NDST3: variants seen among roughly 807,000 people sequenced by gnomAD.
NDST3 encodes the protein bifunctional heparan sulfate N-deacetylase/N-sulfotransferase 3.
In NDST3, 58 loss-of-function variants were observed where a neutral mutation model predicts 96.1. That is an observed-to-expected ratio of 0.60 (90% CI 0.49 to 0.75). The LOEUF is 0.75. NDST3 is among the 30% of genes least tolerant of loss of function. The pLI is 0.00. For synonymous variants in NDST3, 333 were observed against 359.7 expected (o/e 0.93, Z 0.84); for missense variants, 788 against 1,034.2 (o/e 0.76, Z 3.27).
intron 6 of NDST3, among the ~76,000 whole-genome samples, chr4:118,148,824 A>C (rs1734154397): frequency 6.6e-6 from 1 of 152,216 alleles, no homozygotes; most frequent in South Asian, 2.1e-4. Flanking sequence ...TTCTAATAAT[A>C]GGAGACCCTT....
intron 10 of NDST3, among the ~76,000 whole-genome samples, chr4:118,240,246 C>A (rs2126005899): frequency 6.6e-6 from 1 of 151,862 alleles, no homozygotes; most frequent in East Asian, 1.9e-4. Flanking sequence ...AAAATACATA[C>A]ACTAAGGAAA....
intron 1 of NDST3, among the ~76,000 whole-genome samples, chr4:118,041,630 G>A (rs1724470890): frequency 6.6e-6 from 1 of 152,118 alleles, no homozygotes; most frequent in South Asian, 2.1e-4. Flanking sequence ...TGTGTCTGTG[G>A]GAACTCTCTG....
rs183756594 is a variant in NDST3, at chr4:118,175,681, T to C, written c.1539+31997T>C. ...GAGGTGAAGCTAAACCATATCCTTG[T>C]GGCAACTTATAAAAACCTCAATTGT... On this transcript the variant is annotated intron_variant, in intron 6 of 13. Transcript: ENST00000296499. Among the ~76,000 whole-genome samples, 365 of 152,238 alleles carry C rather than the reference T, an allele frequency of 2.4e-3. 3 individuals carry two copies. The highest frequency in any genetic ancestry group is 8.1e-3 in the African/African-American group (338 of 41,556).
chr4:118,091,807 T>A (rs1728889281), intron 2 of NDST3, among the ~76,000 whole-genome samples: 1 of 151,884 alleles, frequency 6.6e-6, no homozygotes, highest in Non-Finnish European at 1.5e-5. Flanking sequence ...TTGTTGTGTA[T>A]TTTTTATATT....
chr4:118,048,745 CACA>C (rs767238895), intron 1 of NDST3, among the ~76,000 whole-genome samples: 2 of 151,944 alleles, frequency 1.3e-5, no homozygotes, highest in Non-Finnish European at 2.9e-5. Flanking sequence ...CTTCTTCACC[CACA>C]ACAAAACTTA....
At chr4:118,106,334 A>G (rs1271388093) in intron 3 of NDST3, among the ~76,000 whole-genome samples, 1 of 152,162 alleles carries the variant, frequency 6.6e-6, no homozygotes, top group East Asian at 1.9e-4. Flanking sequence ...ATCTTTGCAT[A>G]CTACAAGAAC....
intron 4 of NDST3, among the ~76,000 whole-genome samples, chr4:118,120,616 T>C (rs1308497574): frequency 6.6e-6 from 1 of 152,158 alleles, no homozygotes; most frequent in Non-Finnish European, 1.5e-5. Context: ...TTGCTATCTC[T>C]TGGAATTGAC....
chr4:118,180,000 C>T (rs1578775359), intron 6 of NDST3, among the ~76,000 whole-genome samples: 1 of 152,038 alleles, frequency 6.6e-6, no homozygotes, highest in Non-Finnish European at 1.5e-5. Flanking sequence ...TACCTTACGC[C>T]TCCAGTTAAC....
chr4:118,230,585 A>C (rs892358535), intron 8 of NDST3, among the ~76,000 whole-genome samples: 4 of 152,094 alleles, frequency 2.6e-5, no homozygotes, highest in African/African-American at 9.7e-5. Flanking sequence ...AAAAAAAAAA[A>C]AAAGAAGTGA....
At chr4:118,096,684 TA>T (rs1729337435) in intron 2 of NDST3, among the ~76,000 whole-genome samples, 1 of 151,122 alleles carries the variant, frequency 6.6e-6, no homozygotes, top group Non-Finnish European at 1.5e-5. Flanking sequence ...GATAGATAGA[TA>T]GATAGATAGA....
intron 6 of NDST3, among the ~76,000 whole-genome samples, chr4:118,213,806 C>CA (rs5861380): frequency 0.03 from 4,547 of 150,988 alleles, 211 homozygotes; most frequent in African/African-American, 0.1. Flanking sequence ...TCTTTTTTGA[C>CA]ATTTTCTGTT....
chr4:118,078,700 G>A (rs1263206133), intron 2 of NDST3, among the ~76,000 whole-genome samples: 1 of 149,478 alleles, frequency 6.7e-6, no homozygotes, highest in Non-Finnish European at 1.5e-5. Flanking sequence ...AGTGAGCCAA[G>A]ACTGCACCAT....
intron 6 of NDST3, among the ~76,000 whole-genome samples, chr4:118,223,379 AATTCC>A (rs1739670204): frequency 6.6e-6 from 1 of 152,078 alleles, no homozygotes; most frequent in South Asian, 2.1e-4. Context: ...CTTAGTTCCC[AATTCC>A]ATGACTGCAT....
intron 1 of NDST3, among the ~76,000 whole-genome samples, chr4:118,035,578 T>A (rs1724106708): frequency 6.6e-6 from 1 of 151,974 alleles, no homozygotes; most frequent in African/African-American, 2.4e-5. Context: ...TCCCTTTTTC[T>A]TCATCCATAC....
At position 118,237,142 on chromosome 4, in the gene NDST3, A is replaced by G; in HGVS notation, c.2040A>G (p.Arg680=). The change falls in exon 10 of 14, where the codon AGA becomes AGG. Residue 680 remains arginine (R), a synonymous_variant. Coordinates refer to ENST00000296499, the MANE Select transcript of NDST3 (RefSeq NM_004784.3). ...TCCACTCAGAGGAAGCCCCTAAAAG[A>G]GCTGCTTCTCTGGTTCCCAAAGCCA... The part of the protein sequence containing the change: ...NYFHSEEAPK[R]AASLVPKAKI... The G allele has an allele frequency of 6.2e-7, 1 of 1,613,734 alleles. No individual in the cohort carries two copies. The highest frequency in any genetic ancestry group is 8.5e-7 in the Non-Finnish European group (1 of 1,179,802).
intron 6 of NDST3, among the ~76,000 whole-genome samples, chr4:118,202,285 T>C (rs568678747): frequency 1.3e-5 from 2 of 152,308 alleles, no homozygotes; most frequent in African/African-American, 4.8e-5. Flanking sequence ...ATTCTTTTGC[T>C]TAGGATAGCT....
intron 4 of NDST3, among the ~76,000 whole-genome samples, chr4:118,130,880 A>C (rs751293094): frequency 1.4e-4 from 22 of 152,204 alleles, no homozygotes; most frequent in Non-Finnish European, 2.9e-5. Context: ...CAGCACTTTA[A>C]ACATGTCTTG....
intron 6 of NDST3, among the ~76,000 whole-genome samples, chr4:118,157,710 C>T (rs1255715500): frequency 6.6e-6 from 1 of 152,134 alleles, no homozygotes; most frequent in Non-Finnish European, 1.5e-5. Context: ...GCATGAGCCA[C>T]CTAGCCCAGC....
At chr4:118,252,831 C>T (rs967643564) in intron 12 of NDST3, among the ~76,000 whole-genome samples, 1 of 151,940 alleles carries the variant, frequency 6.6e-6, no homozygotes, top group African/African-American at 2.4e-5. Context: ...GTGGAGGTTG[C>T]GGCGAGCCGA....
Sources: gnomAD v4.1 joint callset for allele counts (sites outside exome capture counted in the v4.1 genomes callset) on GRCh38, gnomAD v4.1.1 for gene constraint, MANE v1.5 for transcripts, NCBI Gene and HGNC (gene_info 2026-07-23, HGNC 2026-07-21) for gene names.